ATP8B3: variants seen among roughly 807,000 people sequenced by gnomAD.
ATP8B3 encodes ATPase phospholipid transporting 8B3.
A neutral mutation model predicts 140.9 loss-of-function variants in ATP8B3; 141 were observed. That is an observed-to-expected ratio of 1.00 (90% confidence interval 0.87 to 1.15). The LOEUF is 1.15. Among genes scored for constraint, ATP8B3 ranks in the 50% most tolerant of loss-of-function variants. The pLI, the probability that ATP8B3 is intolerant of heterozygous loss-of-function variation, is 0.00. For synonymous variants in ATP8B3, 765 were observed against 714.6 expected, an observed-to-expected ratio of 1.07 and a Z score of -1.13; for missense variants, 1,874 against 1,740.6, an observed-to-expected ratio of 1.08 and a Z score of -1.36.
rs368951806 is a variant in ATP8B3 at position 1,801,608 on chromosome 19, C to T, written c.1152+348G>A. Among the ~76,000 whole-genome samples, 4 of 152,106 alleles carry T rather than the reference C, an allele frequency of 2.6e-5. No individual in the cohort carries two copies. The South Asian group carries it at 8.3e-4, about 32-fold the overall frequency. Reference sequence around the variant, plus strand: ...TCTACTAAAATACAAAAAAATTAGCCAGGCGTGGCGGCGTGCACCTATAGT... The same window carrying T: ...TCTACTAAAATACAAAAAAATTAGCTAGGCGTGGCGGCGTGCACCTATAGT... On this transcript the variant is annotated intron_variant, in intron 12 of 28. Transcript: ENST00000310127.
chr19:1,784,844 G>A lies in ATP8B3; in HGVS notation c.3635C>T (p.Pro1212Leu), dbSNP rs758443161. 1.9e-6 allele frequency: 3 copies of A among 1,609,442 alleles called. No homozygotes were observed. Among genetic ancestry groups the A allele is most frequent in the South Asian group, 1.1e-5 (1 of 90,016 alleles). The change falls in exon 28 of 29, where the codon CCA becomes CTA. Residue 1212 changes from proline to leucine, a missense_variant. Coordinates refer to ENST00000310127, the MANE Select transcript of ATP8B3 (RefSeq NM_138813.4). ...CTTGGCACGTAGCTCCTTGAGGGCT[G>A]GGAAGATGACTCGGAGGGCCAGGAC... ...FPVLALRVIF[P>L]ALKELRAKEE...
intron 11 of ATP8B3, 22 bp from the exon 12 acceptor site, chr19:1,802,066 T>TCCGGGGGGGGCCCCCCCCC: frequency 6.6e-7 from 1 of 1,523,946 alleles, no homozygotes; most frequent in East Asian, 2.4e-5. Context: ...TATCCATCTA[T>TCCGGGGGGGGCCCCCCCCC]CCACCCACCC....
Position 1,796,784 on chromosome 19 carries a change from G to C in ATP8B3, c.1680C>G (p.Ala560=). 1 of 1,612,476 alleles carries C rather than the reference G, an allele frequency of 6.2e-7. No individual in the cohort carries two copies. Among genetic ancestry groups the C allele is most frequent in the Non-Finnish European group, 8.5e-7 (1 of 1,179,628 alleles). ...LHLVRTNGDE[A]VREFWRLLAI... ...CCAGCAGGCGCCAGAACTCCCGCAC[G>C]GCCTCGTCCCCGTTGGTCCGCACGA... The change falls in exon 16 of 29, where the codon GCC becomes GCG. Residue 560 remains alanine (A), a synonymous_variant. Coordinates refer to ENST00000310127, the MANE Select transcript of ATP8B3 (RefSeq NM_138813.4).
At chr19:1,802,095 C>T in intron 11 of ATP8B3, 51 bp from the exon 12 acceptor site, 2 of 1,336,240 alleles carry the variant, frequency 1.5e-6, no homozygotes, top group Non-Finnish European at 2.0e-6. Context: ...ATCCACCCCT[C>T]ACCCACCCAT....
In ATP8B3 at chr19:1,806,154, TTTC is replaced by T; in HGVS notation, c.690_692del (p.Lys231del). ...CATCCCCCACGCACAGATCCTGCCATTTCTTCTGCTTGAAGCTGCGGGGAGAGG... is the reference window on the plus strand; with the variant it reads ...CATCCCCCACGCACAGATCCTGCCATTTCTGCTTGAAGCTGCGGGGAGAGG... On this transcript the variant is annotated inframe_deletion, in exon 8 of 29. Transcript: ENST00000310127. This position sits in a 1 kb window ranked among gnomAD's most constrained non-coding sequence, Gnocchi z 5.6. 6.3e-7 allele frequency: 1 copy of T among 1,596,458 alleles called. No individual in the cohort carries two copies. The highest frequency in any genetic ancestry group is 8.5e-7 in the Non-Finnish European group (1 of 1,172,060).
Position 1,796,785 on chromosome 19 carries a change from G to A in ATP8B3, c.1679C>T (p.Ala560Val), listed in dbSNP as rs867630872. ...CAGCAGGCGCCAGAACTCCCGCACG[G>A]CCTCGTCCCCGTTGGTCCGCACGAG... is the stretch of plus-strand genomic sequence containing the variant. ...LHLVRTNGDEAVREFWRLLAI... is the reference protein window; with the variant it reads ...LHLVRTNGDEVVREFWRLLAI... The change falls in exon 16 of 29, where the codon GCC becomes GTC. Residue 560 changes from alanine to valine, a missense_variant. Transcript: ENST00000310127. 6.2e-7 allele frequency: 1 copy of A among 1,612,476 alleles called. No individual in the cohort carries two copies. The highest frequency in any genetic ancestry group is 8.5e-7 in the Non-Finnish European group (1 of 1,179,648).
intron 18 of ATP8B3, among the ~76,000 whole-genome samples, chr19:1,792,622 G>T (rs967436318): frequency 6.9e-6 from 1 of 145,770 alleles, no homozygotes; most frequent in African/African-American, 2.5e-5. Flanking sequence ...AAAGAAAGCG[G>T]GGAAGAGGGC....
At chr19:1,809,847 C>T (rs2069137705) in intron 3 of ATP8B3, 113 bp from the exon 4 acceptor site, 10 of 924,686 alleles carry the variant, frequency 1.1e-5, no homozygotes, top group Admixed American at 2.1e-5. Context: ...TGGGGAGGCC[C>T]GAGATGTCAG....
intron 17 of ATP8B3, 35 bp from the exon 18 acceptor site, chr19:1,796,022 T>C (rs778438245): frequency 8.1e-6 from 13 of 1,611,582 alleles, no homozygotes; most frequent in Non-Finnish European, 1.0e-5. Context: ...CCACAGAGGC[T>C]CCCCGTCTGC....
In ATP8B3 at chr19:1,810,632, G is replaced by A. The variant is rs764753408; in HGVS notation, c.300C>T (p.Asp100=). ...GCCCAGGATCAGCACCTGAGTTCCT[G>A]TCCTCATCTTGGAGATCTTCTCTCT... ...LGQREDLQDE[D]RNSAFTWKVQ... Residue 100 remains aspartate (D), a synonymous_variant, in exon 3 of 29, where the codon GAC becomes GAT. Transcript: ENST00000310127. 2 of 1,613,000 alleles carry A rather than the reference G, an allele frequency of 1.2e-6. No homozygotes were observed. The highest frequency in any genetic ancestry group is 2.2e-5 in the South Asian group (2 of 90,952).
Position 1,802,614 on chromosome 19 carries a change from C to G in ATP8B3, c.936G>C (p.Arg312=). ...CCAGGCACCCCACGAAGTGGTGCAT[C>G]CGACTGTTAGGCGCCTCACACGTCA... The part of the protein sequence containing the change: ...GTVTCEAPNS[R]MHHFVGCLEW... The change falls in exon 11 of 29, where the codon CGG becomes CGC. Residue 312 remains arginine (R), a synonymous_variant. Coordinates refer to ENST00000310127, the MANE Select transcript of ATP8B3 (RefSeq NM_138813.4). The G allele has an allele frequency of 6.2e-7, 1 of 1,611,736 alleles. No homozygotes were observed. The highest frequency in any genetic ancestry group is 8.5e-7 in the Non-Finnish European group (1 of 1,179,552).
At chr19:1,786,328 G>A (rs2068302973) in intron 25 of ATP8B3, among the ~76,000 whole-genome samples, 1 of 152,110 alleles carries the variant, frequency 6.6e-6, no homozygotes, top group Admixed American at 6.6e-5. Flanking sequence ...CACTTGGGGA[G>A]GCCGAGGTGG....
At position 1,806,504 on chromosome 19, in the gene ATP8B3, T is replaced by C. The variant is rs1433848173; in HGVS notation, c.677+124A>G. 4 of 1,497,766 alleles carry C rather than the reference T, an allele frequency of 2.7e-6. No homozygotes were observed. Among genetic ancestry groups the C allele is most frequent in the Non-Finnish European group, 3.6e-6 (4 of 1,126,032 alleles). The allele number at this position is 1,497,766 out of a possible 1,614,324, so 92.8% of individuals were successfully genotyped here. ...CTAATGAATGCAGGCCCGGTTCCTG[T>C]CGGACTCAACCAGCCGGGAGATCAG... On this transcript the variant is annotated intron_variant, in intron 7 of 28. Coordinates refer to ENST00000310127, the MANE Select transcript of ATP8B3 (RefSeq NM_138813.4). This position sits in a 1 kb window ranked among gnomAD's most constrained non-coding sequence, Gnocchi z 5.6.
Position 1,806,254 on chromosome 19 carries a change from G to A in ATP8B3, c.678-85C>T. On this transcript the variant is annotated intron_variant, in intron 7 of 28. Coordinates refer to ENST00000310127, the MANE Select transcript of ATP8B3 (RefSeq NM_138813.4). The surrounding 1 kb of genome is among the most constrained non-coding windows in gnomAD (Gnocchi z 5.6). ...GAGACCAGAGGCACGGGATGACGGG[G>A]GGCCCGCAGCTGCAGTCCCCACCTC... 6.5e-7 allele frequency: 1 copy of A among 1,531,330 alleles called. No individual in the cohort carries two copies. Among genetic ancestry groups the A allele is most frequent in the Admixed American group, 2.0e-5 (1 of 50,362 alleles). 94.9% of individuals were successfully genotyped at this position (1,531,330 alleles called of 1,614,324 possible). A position where few individuals can be genotyped will look rare whatever the true frequency, so the allele number is the denominator to read the frequency against.
chr19:1,811,170 T>C (rs1029555120), intron 2 of ATP8B3, among the ~76,000 whole-genome samples: 1 of 152,140 alleles, frequency 6.6e-6, no homozygotes, highest in Non-Finnish European at 1.5e-5. Context: ...GGCTATATGT[T>C]ATATCTCAAA....
In ATP8B3 at chr19:1,792,090, C is replaced by T. The variant is rs1245511018; in HGVS notation, c.2101G>A (p.Glu701Lys). The T allele has an allele frequency of 6.4e-7, 1 of 1,572,294 alleles. No homozygotes were observed. Among genetic ancestry groups the T allele is most frequent in the Admixed American group, 1.8e-5 (1 of 54,734 alleles). The change falls in exon 19 of 29, where the codon GAG (glutamate) becomes AAG (lysine). Residue 701 changes from glutamate to lysine, a missense_variant. Physicochemically the swap from Glu to Lys is moderately conservative, Grantham distance 56 (BLOSUM62 1). Coordinates refer to ENST00000310127, the MANE Select transcript of ATP8B3 (RefSeq NM_138813.4). ...TCCTCGTAAATGTCCTCAGCCACCT[C>T]CCTGTAGGCCAGGCACAGTGTCCGC... ...TLRTLCLAYREVAEDIYEDWQ... is the reference protein window; with the variant it reads ...TLRTLCLAYRKVAEDIYEDWQ...
At chr19:1,786,663 C>T (rs562338974) in intron 25 of ATP8B3, among the ~76,000 whole-genome samples, 86 of 152,248 alleles carry the variant, frequency 5.6e-4, no homozygotes, top group South Asian at 4.3e-3. Context: ...CTCATGGGCA[C>T]GTATGGCTGC....
intron 16 of ATP8B3, 97 bp from the exon 17 acceptor site, chr19:1,796,362 T>C: frequency 8.4e-7 from 1 of 1,194,120 alleles, no homozygotes; most frequent in Non-Finnish European, 1.2e-6. Context: ...GCTACACCTT[T>C]ATTGATGGTG....
chr19:1,802,749 C>T, intron 10 of ATP8B3, 104 bp from the exon 11 acceptor site: 3 of 1,369,066 alleles, frequency 2.2e-6, no homozygotes, highest in Non-Finnish European at 3.0e-6. Flanking sequence ...CTCACGAGCC[C>T]CTCTGTGCCC....
Sources: gnomAD v4.1 joint callset for allele counts (sites outside exome capture counted in the v4.1 genomes callset) on GRCh38, gnomAD v4.1.1 for gene constraint, Gnocchi (gnomAD v3.1) non-coding constraint, MANE v1.5 for transcripts, NCBI Gene and HGNC (gene_info 2026-07-23, HGNC 2026-07-21) for gene names.